The following POLH variants were observed in gnomAD, a reference collection of about 807,000 sequenced individuals.
The protein encoded by POLH is DNA polymerase eta.
A neutral mutation model predicts 73.6 loss-of-function variants in POLH; 53 were observed. The observed-to-expected ratio is 0.72, with a 90% CI of 0.58 to 0.91. The LOEUF is 0.91. POLH is among the 40% of genes least tolerant of loss of function. The probability of loss-of-function intolerance (pLI) is 0.00; values close to 1 mark genes in which losing one functional copy is unlikely to be tolerated. For missense variants in POLH, 768 were observed against 865.4 expected (o/e 0.89, Z 1.41); for synonymous variants, 292 against 308.5 (o/e 0.95, Z 0.56).
chr6:43,597,338 C>A (rs898204233), intron 4 of POLH, among the ~76,000 whole-genome samples: 1 of 152,212 alleles, frequency 6.6e-6, no homozygotes, highest in Admixed American at 6.5e-5. Flanking sequence ...TGGTCTTGAA[C>A]TCCTGACCTC....
intron 1 of POLH, among the ~76,000 whole-genome samples, chr6:43,578,243 C>T (rs970491463): frequency 3.3e-5 from 5 of 152,054 alleles, no homozygotes; most frequent in Non-Finnish European, 5.9e-5. Flanking sequence ...AAAAATTAGC[C>T]GGGCGTGGTG....
intron 4 of POLH, among the ~76,000 whole-genome samples, chr6:43,593,338 T>A (rs1484056434): frequency 6.6e-6 from 1 of 152,216 alleles, no homozygotes; most frequent in African/African-American, 2.4e-5. Context: ...AAACTGATTC[T>A]AAAATTTGTA....
chr6:43,591,545 C>T (rs1258410334), intron 4 of POLH, among the ~76,000 whole-genome samples: 1 of 152,072 alleles, frequency 6.6e-6, no homozygotes. Flanking sequence ...TCTCAAACTC[C>T]TGGCATCAAG....
chr6:43,577,336 A>G (rs959063680), intron 1 of POLH, among the ~76,000 whole-genome samples: 5 of 151,936 alleles, frequency 3.3e-5, no homozygotes, highest in Non-Finnish European at 5.9e-5. Context: ...TTCTTGCTCC[A>G]CTTCTGGTAT....
At chr6:43,579,898 CTTTTTTTT>C (rs112592108) in intron 1 of POLH, among the ~76,000 whole-genome samples, 1 of 137,022 alleles carries the variant, frequency 7.3e-6, no homozygotes, top group Non-Finnish European at 1.6e-5. Flanking sequence ...GTGAAAGAAT[CTTTTTTTT>C]TTTTTTTTAA....
rs1375190275 is a variant in POLH at position 43,576,264 on chromosome 6, G to C, written c.-181G>C. On this transcript the variant is annotated 5_prime_UTR_variant, in exon 1 of 11. Coordinates refer to ENST00000372236, the MANE Select transcript of POLH (RefSeq NM_006502.3). ...CGGTTGCCCGGGCAGGATCCTTTAC[G>C]ATCCCTTCTCGGTTTCTCCGTCGTC... The C allele has an allele frequency of 6.0e-6, 1 of 165,410 alleles. No homozygotes were observed. Among genetic ancestry groups the C allele is most frequent in the Non-Finnish European group, 1.3e-5 (1 of 77,124 alleles). The allele number at this position is 165,410 out of a possible 1,614,324, so 10.2% of individuals were successfully genotyped here. A position where few individuals can be genotyped will look rare whatever the true frequency, so the allele number is the denominator to read the frequency against.
In POLH at chr6:43,587,423, T is replaced by C. The variant is rs997248275; in HGVS notation, c.424T>C (p.Leu142=). Residue 142 remains leucine, a synonymous_variant, in exon 4 of 11, where the codon TTG becomes CTG. Coordinates refer to ENST00000372236, the MANE Select transcript of POLH (RefSeq NM_006502.3). ...AGGTCAGCCTATCTCGGCAGACTTG[T>C]TGCCAAGCACTTACATTGAAGGGTT... ...LQGQPISADL[L]PSTYIEGLPQ... 1.2e-6 allele frequency: 2 copies of C among 1,614,108 alleles called. No individual in the cohort carries two copies. Among genetic ancestry groups the C allele is most frequent in the Non-Finnish European group, 1.7e-6 (2 of 1,180,038 alleles).
intron 4 of POLH, among the ~76,000 whole-genome samples, chr6:43,589,637 CTTT>C (rs1023985234): frequency 7.1e-6 from 1 of 139,994 alleles, no homozygotes; most frequent in Non-Finnish European, 1.6e-5. Context: ...AGTTCCTTGT[CTTT>C]TTTTTTTTTT....
chr6:43,605,107 AT>A, intron 8 of POLH, 146 bp from the exon 9 acceptor site: 1 of 682,712 alleles, frequency 1.5e-6, no homozygotes, highest in African/African-American at 1.8e-5. Context: ...GACTGGGAAC[AT>A]TTCTATGATC....
intron 9 of POLH, among the ~76,000 whole-genome samples, chr6:43,605,989 G>T (rs867934153): frequency 5.3e-5 from 8 of 152,132 alleles, no homozygotes; most frequent in Non-Finnish European, 7.3e-5. Context: ...CTCCCAAAGT[G>T]TTGGGATTAC....
At chr6:43,611,657 T>C (rs1767892529) in intron 10 of POLH, among the ~76,000 whole-genome samples, 2 of 152,176 alleles carry the variant, frequency 1.3e-5, no homozygotes, top group Non-Finnish European at 2.9e-5. Context: ...ATATTGAATA[T>C]TATACAAAAT....
chr6:43,617,712 G>A lies in POLH; in HGVS notation c.*3155G>A, dbSNP rs1582332643. 6.6e-6 allele frequency among the ~76,000 whole-genome samples: 1 copy of A among 151,976 alleles called. No homozygotes were observed. The highest frequency in any genetic ancestry group is 6.6e-5 in the Admixed American group (1 of 15,244). On this transcript the variant is annotated 3_prime_UTR_variant, in exon 11 of 11. Transcript: ENST00000372236. ...TGGGAGGCTGAGGTGGGTGTATCACGAGGTCAAGAGATCAAGGCCATCCTG... is the reference window on the plus strand; with the variant it reads ...TGGGAGGCTGAGGTGGGTGTATCACAAGGTCAAGAGATCAAGGCCATCCTG...
At chr6:43,580,725 C>T (rs1310743048) in intron 1 of POLH, among the ~76,000 whole-genome samples, 1 of 137,352 alleles carries the variant, frequency 7.3e-6, no homozygotes, top group Non-Finnish European at 1.6e-5. Context: ...GCCGACACCC[C>T]CACCTCCCTC....
chr6:43,593,202 T>G (rs1765654546), intron 4 of POLH, among the ~76,000 whole-genome samples: 1 of 152,190 alleles, frequency 6.6e-6, no homozygotes. Context: ...TTAAAGATTA[T>G]AAAATTCAAT....
Position 43,584,055 on chromosome 6 carries a change from A to AT in POLH, c.272+916dup, listed in dbSNP as rs1169290946. ...CTACTCAGGAAGCTGAGTTGAGAGG[A>AT]TTGCTTGAGCCTGGGAGGCAGAGGT... is the stretch of plus-strand genomic sequence containing the variant. On this transcript the variant is annotated intron_variant, in intron 3 of 10. Transcript: ENST00000372236. Among the ~76,000 whole-genome samples, 12 of 152,268 alleles carry AT rather than the reference A, an allele frequency of 7.9e-5. No homozygotes were observed. In the South Asian group the frequency reaches 2.5e-3, roughly 32 times the overall value.
At chr6:43,582,720 G>C (rs1432176673) in intron 2 of POLH, among the ~76,000 whole-genome samples, 1 of 152,012 alleles carries the variant, frequency 6.6e-6, no homozygotes, top group African/African-American at 2.4e-5. Flanking sequence ...GTAGAGATGG[G>C]GATTGGTTGG....
rs773430601 is a variant in POLH at position 43,614,254 on chromosome 6, G to A, written c.1839G>A (p.Val613=). Residue 613 remains valine, a synonymous_variant, in exon 11 of 11, where the codon GTG becomes GTA. Coordinates refer to ENST00000372236, the MANE Select transcript of POLH (RefSeq NM_006502.3). Reference sequence around the variant, plus strand: ...ACGCCTCTTCAGCTTCCAAATCTGTGCTGGAGGTGACTCAGAAAGCAACCC... The same window carrying A: ...ACGCCTCTTCAGCTTCCAAATCTGTACTGGAGGTGACTCAGAAAGCAACCC... ...SMHASSASKS[V]LEVTQKATPN... is the part of the protein sequence containing the mutation. 1.2e-6 allele frequency: 2 copies of A among 1,603,314 alleles called. No homozygotes were observed. The highest frequency in any genetic ancestry group is 3.4e-5 in the Admixed American group (2 of 59,070).
chr6:43,620,150 T>C lies in POLH; in HGVS notation c.*5593T>C. ...TCTCTAAATTCTACTCTTCTTTAAG[T>C]AGCTGGCACTGTATCTCTGCCAGGG... On this transcript the variant is annotated 3_prime_UTR_variant, in exon 11 of 11. Coordinates refer to ENST00000372236, the MANE Select transcript of POLH (RefSeq NM_006502.3). 4.7e-6 allele frequency: 2 copies of C among 427,872 alleles called. No individual in the cohort carries two copies. Among genetic ancestry groups the C allele is most frequent in the South Asian group, 1.8e-5 (1 of 56,880 alleles). The allele number at this position is 427,872 out of a possible 1,614,324, so 26.5% of individuals were successfully genotyped here.
intron 1 of POLH, among the ~76,000 whole-genome samples, chr6:43,581,838 C>T (rs1026487227): frequency 6.6e-6 from 1 of 151,294 alleles, no homozygotes; most frequent in African/African-American, 2.4e-5. Flanking sequence ...GACGGGCTCC[C>T]TAAGCCACCG....
Sources: allele counts gnomAD v4.1 joint callset (sites outside exome capture counted in the v4.1 genomes callset), GRCh38; gene constraint gnomAD v4.1.1; transcripts MANE v1.5; gene names NCBI Gene and HGNC (gene_info 2026-07-23, HGNC 2026-07-21).